PHF19: variants seen among roughly 807,000 people sequenced by gnomAD.
PHF19 encodes PHD finger protein 19.
In PHF19, 21 loss-of-function variants were observed where a neutral mutation model predicts 79.8. The ratio of observed to expected loss-of-function variants is 0.26; its 90% CI spans 0.19 to 0.38. The LOEUF (loss-of-function observed/expected upper bound fraction) is 0.38. Ranked by LOEUF, PHF19 falls within the 10% of genes least tolerant of loss-of-function variation. The pLI is 1.00. For synonymous variants in PHF19, 273 were observed against 296.3 expected (o/e 0.92, Z 0.81); for missense variants, 445 against 744.2 (o/e 0.60, Z 4.68).
chr9:120,864,638 G>A (rs918850091), intron 9 of PHF19, among the ~76,000 whole-genome samples: 7 of 152,130 alleles, frequency 4.6e-5, no homozygotes, highest in African/African-American at 7.2e-5. Context: ...AGCTGAGACC[G>A]CGCCACTGCA....
At position 120,866,835 on chromosome 9, in the gene PHF19, C is replaced by T. The variant is rs1362473565; in HGVS notation, c.710+35G>A. 6.7e-6 allele frequency: 8 copies of T among 1,197,012 alleles called. No homozygotes were observed. The highest frequency in any genetic ancestry group is 1.9e-4 in the Middle Eastern group (1 of 5,214). 74.1% of individuals were successfully genotyped at this position (1,197,012 alleles called of 1,614,324 possible). ...TGCCATCCCTGCCCTCTCCCCACCA[C>T]GCCCAAGGCCCACTTGGACCAAATT... On this transcript the variant is annotated intron_variant, in intron 7 of 14. Transcript: ENST00000373896. This position sits in a 1 kb window ranked among gnomAD's most constrained non-coding sequence, Gnocchi z 5.2.
chr9:120,898,742 T>C (rs891826401), upstream of PHF19, among the ~76,000 whole-genome samples: 1 of 152,104 alleles, frequency 6.6e-6, no homozygotes, highest in African/African-American at 2.4e-5. Context: ...CTTGGGTGAG[T>C]GATTTTTTAC....
chr9:120,900,496 C>A, the PHF19 span, among the ~76,000 whole-genome samples: 1 of 152,190 alleles, frequency 6.6e-6, no homozygotes, highest in African/African-American at 2.4e-5. Flanking sequence ...CCCAGTAGTA[C>A]TCTCTGGACA....
upstream of PHF19, among the ~76,000 whole-genome samples, chr9:120,881,310 G>A (rs959103638): frequency 5.9e-5 from 9 of 151,810 alleles, no homozygotes; most frequent in African/African-American, 1.2e-4. Context: ...ACCACGCCCC[G>A]CTGATTTTTT....
At chr9:120,901,101 C>CCTA in the PHF19 span, among the ~76,000 whole-genome samples, 4 of 152,192 alleles carry the variant, frequency 2.6e-5, no homozygotes, top group African/African-American at 9.7e-5. Context: ...GGTAGAGGGA[C>CCTA]CTACTGCCTC....
chr9:120,872,598 T>C (rs1360060596), intron 3 of PHF19, among the ~76,000 whole-genome samples: 1 of 152,228 alleles, frequency 6.6e-6, no homozygotes, highest in African/African-American at 2.4e-5. Flanking sequence ...TCGAAAGCTT[T>C]ACTAACTGGC....
chr9:120,869,369 G>T lies in PHF19; in HGVS notation c.466-39C>A, dbSNP rs1412356871. 3 of 1,596,760 alleles carry T rather than the reference G, an allele frequency of 1.9e-6. No individual in the cohort carries two copies. The highest frequency in any genetic ancestry group is 4.5e-5 in the East Asian group (2 of 44,590). On this transcript the variant is annotated intron_variant, in intron 5 of 14. Coordinates refer to ENST00000373896, the MANE Select transcript of PHF19 (RefSeq NM_015651.3). This position sits in a 1 kb window ranked among gnomAD's most constrained non-coding sequence, Gnocchi z 5.8. ...AGGGCCCCAGTCAACCACCAGGTCC[G>T]GGTGGACCACGCGAGTCAGCACGCG...
In PHF19 at chr9:120,857,603, T is replaced by TG. The variant is rs1486714809; in HGVS notation, c.*340_*341insC. On this transcript the variant is annotated 3_prime_UTR_variant, in exon 15 of 15. Transcript: ENST00000373896. ...CACACCCAGAAAGGGGCGAGAGAGG[T>TG]CAAGGCACACAACTGGGGACAAAGA... The TG allele has an allele frequency of 4.2e-6, 1 of 239,218 alleles. No homozygotes were observed. The highest frequency in any genetic ancestry group is 8.0e-6 in the Non-Finnish European group (1 of 125,062). 14.8% of individuals were successfully genotyped at this position (239,218 alleles called of 1,614,324 possible).
In PHF19 at chr9:120,864,873, C is replaced by T. The variant is rs143748934; in HGVS notation, c.901-757G>A. ...ATTAGTTCTAGTGATTTCTGGGTGG[C>T]GTGATATGGATTTTTTAAAAAGTAT... is the stretch of plus-strand genomic sequence containing the variant. On this transcript the variant is annotated intron_variant, in intron 9 of 14. Coordinates refer to ENST00000373896, the MANE Select transcript of PHF19 (RefSeq NM_015651.3). Among the ~76,000 whole-genome samples the T allele has an allele frequency of 3.0e-3, 460 of 151,288 alleles. 1 individual carries two copies. The highest frequency in any genetic ancestry group is 0.011 in the African/African-American group (439 of 41,202).
rs1338093570 is a variant in PHF19 at position 120,861,898 on chromosome 9, T to C, written c.1218+20A>G. On this transcript the variant is annotated intron_variant, in intron 12 of 14. Transcript: ENST00000373896. ...TGACCCTGCGTATGAAAATGGAGAG[T>C]AAGAAAACAAGGAACTAACACTGGG... is the stretch of plus-strand genomic sequence containing the variant. The C allele has an allele frequency of 3.9e-6, 6 of 1,543,910 alleles. No individual in the cohort carries two copies. Among genetic ancestry groups the C allele is most frequent in the African/African-American group, 1.4e-5 (1 of 73,372 alleles).
chr9:120,861,953 T>C lies in PHF19; in HGVS notation c.1183A>G (p.Arg395Gly). ...QQKRRVYRRK[R>G]SKFLLEDAIP... ...GCATCTTCCAGCAAAAACTTTGATC[T>C]TTTTCTTCTATAAACTCGCCTTTTC... The change falls in exon 12 of 15, where the codon AGA (arginine) becomes GGA (glycine). Residue 395 changes from arginine (R) to glycine (G), a missense_variant. Arg to Gly is a moderately radical substitution (Grantham distance 125, BLOSUM62 -2). Transcript: ENST00000373896. 6.2e-7 allele frequency: 1 copy of C among 1,613,576 alleles called. No individual in the cohort carries two copies. The highest frequency in any genetic ancestry group is 8.5e-7 in the Non-Finnish European group (1 of 1,179,432).
intron 6 of PHF19, among the ~76,000 whole-genome samples, chr9:120,867,862 C>G (rs892643087): frequency 2.0e-5 from 3 of 152,190 alleles, no homozygotes; most frequent in South Asian, 2.1e-4. Context: ...CCTCTTACAT[C>G]TGTGGTTCCT....
At chr9:120,877,684 C>G (rs2046109008), upstream of PHF19, among the ~76,000 whole-genome samples, 1 of 152,234 alleles carries the variant, frequency 6.6e-6, no homozygotes, top group Admixed American at 6.5e-5. Context: ...GACGCCCAAA[C>G]AGGCCACACA....
chr9:120,877,150 G>A lies in PHF19; in HGVS notation c.-75C>T, dbSNP rs2131573823. 19 of 984,850 alleles carry A rather than the reference G, an allele frequency of 1.9e-5. No homozygotes were observed. Among genetic ancestry groups the A allele is most frequent in the Non-Finnish European group, 2.3e-5 (19 of 829,710 alleles). 61.0% of individuals were successfully genotyped at this position (984,850 alleles called of 1,614,324 possible). A position where few individuals can be genotyped will look rare whatever the true frequency, so the allele number is the denominator to read the frequency against. On this transcript the variant is annotated 5_prime_UTR_variant, in exon 1 of 15. Coordinates refer to ENST00000373896, the MANE Select transcript of PHF19 (RefSeq NM_015651.3). ...TCTGGCCACCAGGCGCATCGGTGGC[G>A]GAGGCGGCTGCGCTCGGCCCGCGGC...
In PHF19 at chr9:120,870,933, G is replaced by A. The variant is rs2045877296; in HGVS notation, c.269-395C>T. Among the ~76,000 whole-genome samples, 1 of 152,164 alleles carries A rather than the reference G, an allele frequency of 6.6e-6. No homozygotes were observed. On this transcript the variant is annotated intron_variant, in intron 3 of 14. Transcript: ENST00000373896. This position sits in a 1 kb window ranked among gnomAD's most constrained non-coding sequence, Gnocchi z 4.4. The stretch of plus-strand genomic sequence containing the variant: ...TGTTTGTTTGTTTTGTTGAGATGGA[G>A]TCTCTGTCACCCAGGCTGGAGTGCA...
upstream of PHF19, among the ~76,000 whole-genome samples, chr9:120,881,335 G>C (rs1027238210): frequency 6.6e-6 from 1 of 151,958 alleles, no homozygotes; most frequent in Admixed American, 6.6e-5. Context: ...TTTTAGTAGA[G>C]ACGGGCTTTC....
intron 1 of PHF19, among the ~76,000 whole-genome samples, chr9:120,893,595 A>C (rs1399242804): frequency 2.0e-5 from 3 of 152,202 alleles, no homozygotes; most frequent in Admixed American, 6.5e-5. Flanking sequence ...TAAGTGAGCA[A>C]ATTCATCTTT....
At chr9:120,892,544 A>C (rs1052967597) in intron 1 of PHF19, among the ~76,000 whole-genome samples, 2 of 152,174 alleles carry the variant, frequency 1.3e-5, no homozygotes, top group Non-Finnish European at 2.9e-5. Context: ...TGTCTTATGG[A>C]CACTGAATTG....
At chr9:120,886,618 C>T (rs937896289) in intron 1 of PHF19, among the ~76,000 whole-genome samples, 3 of 152,224 alleles carry the variant, frequency 2.0e-5, no homozygotes, top group African/African-American at 7.2e-5. Flanking sequence ...CCTTCCACAG[C>T]CAGATGACCC....
Sources: gnomAD v4.1 joint callset for allele counts (sites outside exome capture counted in the v4.1 genomes callset) on GRCh38, gnomAD v4.1.1 for gene constraint, Gnocchi (gnomAD v3.1) non-coding constraint, MANE v1.5 for transcripts, NCBI Gene and HGNC (gene_info 2026-07-23, HGNC 2026-07-21) for gene names.